Variants in ARHGAP6 observed in about 807,000 individuals in gnomAD.
ARHGAP6 encodes rho GTPase-activating protein 6.
A neutral mutation model predicts 55.7 loss-of-function variants in ARHGAP6; 16 were observed. The observed-to-expected ratio is 0.29, with a 90% CI of 0.19 to 0.44. ARHGAP6 has a LOEUF of 0.44. Among genes scored for constraint, ARHGAP6 ranks in the 20% least tolerant of loss-of-function variants. The probability of loss-of-function intolerance (pLI) is 1.00; values close to 1 mark genes in which losing one functional copy is unlikely to be tolerated. For missense variants in ARHGAP6, 698 were observed against 808.9 expected (o/e 0.86, Z 1.66); for synonymous variants, 382 against 360.9 (o/e 1.06, Z -0.66).
intron 1 of ARHGAP6, among the ~76,000 whole-genome samples, chrX:11,611,851 A>G (rs765923479): frequency 8.9e-4 from 98 of 110,371 alleles, no homozygotes; most frequent in Non-Finnish European, 1.8e-3. Context: ...GCACCAGACA[A>G]CATGCAGTGA....
intron 1 of ARHGAP6, among the ~76,000 whole-genome samples, chrX:11,653,036 G>A (rs1380248258): frequency 8.9e-6 from 1 of 111,768 alleles, no homozygotes; most frequent in Non-Finnish European, 1.9e-5. Context: ...TGAATGAGAT[G>A]GGCCTTGAAA....
At chrX:11,169,761 C>G in intron 8 of ARHGAP6, 77 bp from the exon 9 acceptor site, 1 of 809,561 alleles carries the variant, frequency 1.2e-6, no homozygotes, top group Admixed American at 3.8e-5. Context: ...ATCAATGAAA[C>G]CTTTTACTCT....
At position 11,138,733 on chromosome X, in the gene ARHGAP6, G is replaced by A; in HGVS notation, c.*130C>T. On this transcript the variant is annotated 3_prime_UTR_variant, in exon 13 of 13. Transcript: ENST00000337414. ...GTGCTCTACCTCTGTAGGTGAACTGGATTTCTCTTGTGTCACTTTTGAGAA... is the reference window on the plus strand; with the variant it reads ...GTGCTCTACCTCTGTAGGTGAACTGAATTTCTCTTGTGTCACTTTTGAGAA... The A allele has an allele frequency of 1.3e-6, 1 of 756,158 alleles. No homozygotes were observed. The highest frequency in any genetic ancestry group is 1.9e-6 in the Non-Finnish European group (1 of 529,180). 62.3% of individuals were successfully genotyped at this position (756,158 alleles called of 1,213,427 possible).
At chrX:11,572,748 C>T (rs948554903) in intron 1 of ARHGAP6, among the ~76,000 whole-genome samples, 53 of 111,626 alleles carry the variant, frequency 4.7e-4, no homozygotes, top group African/African-American at 1.7e-3. Context: ...GTTCTAGATC[C>T]CTGAGGAATC....
intron 3 of ARHGAP6, among the ~76,000 whole-genome samples, chrX:11,194,748 C>CA (rs2046507541): frequency 9.0e-6 from 1 of 111,639 alleles, no homozygotes; most frequent in African/African-American, 3.3e-5. Context: ...AATGGTTTTC[C>CA]ATTCTTTAGA....
intron 1 of ARHGAP6, among the ~76,000 whole-genome samples, chrX:11,283,612 T>C (rs892586633): frequency 1.8e-5 from 2 of 112,000 alleles, no homozygotes; most frequent in African/African-American, 6.5e-5. Context: ...AAGGAGATTG[T>C]CCTGAATTAT....
chrX:11,176,567 C>T (rs1017156015), intron 8 of ARHGAP6, among the ~76,000 whole-genome samples: 4 of 107,214 alleles, frequency 3.7e-5, no homozygotes, highest in Non-Finnish European at 7.7e-5. Flanking sequence ...CAATGCCTTC[C>T]TAATTACCTG....
Position 11,348,556 on chromosome X carries a change from A to G in ARHGAP6, c.589-93849T>C, listed in dbSNP as rs762371164. Among the ~76,000 whole-genome samples the G allele has an allele frequency of 5.2e-4, 58 of 112,172 alleles. 1 individual carries two copies. The East Asian group carries it at 0.016, about 31-fold the overall frequency. On this transcript the variant is annotated intron_variant, in intron 1 of 12. Coordinates refer to ENST00000337414, the MANE Select transcript of ARHGAP6 (RefSeq NM_013427.3). Reference sequence around the variant, plus strand: ...ATCCAGCTCAATCACTTAGCTCACCATGGGAACTCAGCACATCATTTACTG... The same window carrying G: ...ATCCAGCTCAATCACTTAGCTCACCGTGGGAACTCAGCACATCATTTACTG...
chrX:11,207,289 A>G (rs1252748628), intron 2 of ARHGAP6, among the ~76,000 whole-genome samples: 2 of 109,676 alleles, frequency 1.8e-5, no homozygotes, highest in East Asian at 2.9e-4. Flanking sequence ...TCAGCCTCCA[A>G]AGTGTTAGGA....
At chrX:11,162,344 C>CCT (rs2045962549) in intron 9 of ARHGAP6, among the ~76,000 whole-genome samples, 1 of 96,067 alleles carries the variant, frequency 1.0e-5, no homozygotes, top group Non-Finnish European at 2.1e-5. Context: ...CCCCCCCCCC[C>CCT]ATATTTACTG....
rs750108771 is a variant in ARHGAP6, at chrX:11,300,625, T to A, written c.589-45918A>T. The A allele has an allele frequency of 2.5e-6, 3 of 1,193,346 alleles. No individual in the cohort carries two copies. The African/African-American group carries it at 5.3e-5, about 21-fold the overall frequency. The stretch of plus-strand genomic sequence containing the variant: ...TTTTCAGGATTAAAAGATCAGAAGA[T>A]GAGAGGGGAATGAATACTTCAGATG... On this transcript the variant is annotated intron_variant, in intron 1 of 12. Coordinates refer to ENST00000337414, the MANE Select transcript of ARHGAP6 (RefSeq NM_013427.3).
chrX:11,620,349 T>C (rs1015199346), intron 1 of ARHGAP6, among the ~76,000 whole-genome samples: 4 of 112,533 alleles, frequency 3.6e-5, no homozygotes, highest in African/African-American at 1.3e-4. Flanking sequence ...TCATGCTATA[T>C]GGTGTCCCCA....
chrX:11,354,321 CTCTCTCTATA>C (rs1371777338), intron 1 of ARHGAP6, among the ~76,000 whole-genome samples: 50 of 64,355 alleles, frequency 7.8e-4, no homozygotes, highest in Non-Finnish European at 1.2e-3. Context: ...CTCTCTCTCT[CTCTCTCTATA>C]TATATATATA....
chrX:11,400,315 G>C (rs904782270), intron 1 of ARHGAP6, among the ~76,000 whole-genome samples: 1 of 111,050 alleles, frequency 9.0e-6, no homozygotes, highest in Admixed American at 9.6e-5. Flanking sequence ...GAAGACCTTA[G>C]AGGCTTCCAG....
At chrX:11,394,120 C>A (rs2049446299) in intron 1 of ARHGAP6, among the ~76,000 whole-genome samples, 1 of 111,639 alleles carries the variant, frequency 9.0e-6, no homozygotes, top group African/African-American at 3.3e-5. Flanking sequence ...AAAATTTCAG[C>A]AAAAATAAAT....
At chrX:11,432,855 G>C (rs1444660267) in intron 1 of ARHGAP6, among the ~76,000 whole-genome samples, 1 of 112,295 alleles carries the variant, frequency 8.9e-6, no homozygotes, top group African/African-American at 3.2e-5. Context: ...ATGTGCTTTT[G>C]AGGGAGGACA....
chrX:11,315,789 T>TG (rs998308121), intron 1 of ARHGAP6, among the ~76,000 whole-genome samples: 23 of 112,418 alleles, frequency 2.0e-4, no homozygotes, highest in African/African-American at 7.4e-4. Context: ...ACCATGGCTC[T>TG]GTTCTTGAAT....
At chrX:11,561,415 G>A (rs947662134) in intron 1 of ARHGAP6, among the ~76,000 whole-genome samples, 4 of 111,838 alleles carry the variant, frequency 3.6e-5, no homozygotes, top group South Asian at 3.7e-4. Context: ...ATTCAGAAAC[G>A]TGCATGCTTA....
At chrX:11,155,083 G>T (rs773063656) in intron 10 of ARHGAP6, among the ~76,000 whole-genome samples, 2 of 111,776 alleles carry the variant, frequency 1.8e-5, no homozygotes, top group Non-Finnish European at 3.8e-5. Flanking sequence ...ATTTAGCTGT[G>T]CTATCAACGT....
Sources: gnomAD v4.1 joint callset for allele counts (sites outside exome capture counted in the v4.1 genomes callset) on GRCh38, gnomAD v4.1.1 for gene constraint, MANE v1.5 for transcripts, NCBI Gene and HGNC (gene_info 2026-07-23, HGNC 2026-07-21) for gene names.